MAGI2: variants seen among roughly 807,000 people sequenced by gnomAD.
MAGI2 encodes the protein membrane-associated guanylate kinase, WW and PDZ domain-containing protein 2.
In MAGI2, 35 loss-of-function variants were observed where a neutral mutation model predicts 133.3. The ratio of observed to expected loss-of-function variants is 0.26; its 90% CI spans 0.20 to 0.35. MAGI2 has a LOEUF of 0.35. MAGI2 is among the 10% of genes least tolerant of loss of function. The probability of loss-of-function intolerance (pLI) is 1.00; values close to 1 mark genes in which losing one functional copy is unlikely to be tolerated. For synonymous variants in MAGI2, 729 were observed against 710.6 expected (o/e 1.03, Z -0.41); for missense variants, 1,636 against 1,863.4 (o/e 0.88, Z 2.25).
At chr7:78,585,531 A>C in intron 3 of MAGI2, among the ~76,000 whole-genome samples, 1 of 152,148 alleles carries the variant, frequency 6.6e-6, no homozygotes, top group East Asian at 1.9e-4. Flanking sequence ...TGTGGCACCT[A>C]GTGAAAGAAG....
intron 2 of MAGI2, among the ~76,000 whole-genome samples, chr7:78,939,020 G>A (rs754101604): frequency 3.3e-5 from 5 of 152,096 alleles, no homozygotes; most frequent in African/African-American, 4.8e-5. Flanking sequence ...TTGAGACAAA[G>A]TCTCACTCTG....
In MAGI2 at chr7:78,394,638, G is replaced by A. The variant is rs531979173; in HGVS notation, c.1046-25425C>T. Among the ~76,000 whole-genome samples, 3 of 152,280 alleles carry A rather than the reference G, an allele frequency of 2.0e-5. No individual in the cohort carries two copies. The East Asian group carries it at 5.8e-4, about 29-fold the overall frequency. ...CACCATTCTTAGCAAAATAGCCACT[G>A]CTACATTTTTATAAGTCTTGGTTCA... On this transcript the variant is annotated intron_variant, in intron 6 of 21. Coordinates refer to ENST00000354212, the MANE Select transcript of MAGI2 (RefSeq NM_012301.4).
chr7:78,044,994 C>G (rs1263455745), intron 21 of MAGI2, among the ~76,000 whole-genome samples: 1 of 152,070 alleles, frequency 6.6e-6, no homozygotes, highest in Non-Finnish European at 1.5e-5. Flanking sequence ...CGGTGAAACC[C>G]CGTCTCTACT....
At chr7:79,279,176 T>C (rs1040579062) in intron 1 of MAGI2, among the ~76,000 whole-genome samples, 107 of 152,298 alleles carry the variant, frequency 7.0e-4, no homozygotes, top group African/African-American at 2.4e-3. Flanking sequence ...TCTGAGTTTT[T>C]ACAGGCTTCT....
intron 1 of MAGI2, among the ~76,000 whole-genome samples, chr7:79,079,600 C>G (rs1467371752): frequency 3.3e-5 from 5 of 151,680 alleles, no homozygotes; most frequent in Admixed American, 3.3e-4. Context: ...CTATTTTTTT[C>G]AAAAAGGAAA....
chr7:78,363,509 AT>A (rs1016907570), intron 7 of MAGI2, among the ~76,000 whole-genome samples: 13 of 103,872 alleles, frequency 1.3e-4, no homozygotes, highest in African/African-American at 4.5e-4. Flanking sequence ...AATAATAATA[AT>A]GATAATAATA....
chr7:78,638,200 T>C (rs73378280), intron 2 of MAGI2, among the ~76,000 whole-genome samples: 2,636 of 152,262 alleles, frequency 0.017, 90 homozygotes, highest in African/African-American at 0.06. Context: ...GTATATGCAA[T>C]ATATTTTCAA....
chr7:78,199,805 T>C (rs1055585983), intron 11 of MAGI2, among the ~76,000 whole-genome samples: 2 of 152,234 alleles, frequency 1.3e-5, no homozygotes, highest in Non-Finnish European at 2.9e-5. Context: ...TTACTGACTA[T>C]GCATGTAATT....
At chr7:78,757,930 A>G (rs1824119450) in intron 2 of MAGI2, among the ~76,000 whole-genome samples, 1 of 152,192 alleles carries the variant, frequency 6.6e-6, no homozygotes, top group Non-Finnish European at 1.5e-5. Flanking sequence ...CGATACACCC[A>G]GCTGCCTACT....
chr7:78,046,553 T>C (rs1420130778), intron 21 of MAGI2, among the ~76,000 whole-genome samples: 1 of 152,160 alleles, frequency 6.6e-6, no homozygotes, highest in Non-Finnish European at 1.5e-5. Context: ...GGAATAGAAT[T>C]CACTAACAGA....
At chr7:78,710,399 T>G (rs1313792428) in intron 2 of MAGI2, among the ~76,000 whole-genome samples, 1 of 152,134 alleles carries the variant, frequency 6.6e-6, no homozygotes, top group African/African-American at 2.4e-5. Flanking sequence ...GGAGAGGGTG[T>G]AGGTAATGGA....
chr7:78,925,551 G>C (rs529769209), intron 2 of MAGI2, among the ~76,000 whole-genome samples: 6 of 152,044 alleles, frequency 3.9e-5, no homozygotes, highest in Non-Finnish European at 8.8e-5. Flanking sequence ...AAAACCATAT[G>C]CATGCTAAGA....
chr7:78,885,977 G>A (rs1796230815), intron 2 of MAGI2, among the ~76,000 whole-genome samples: 2 of 152,094 alleles, frequency 1.3e-5, no homozygotes, highest in African/African-American at 4.8e-5. Context: ...CTCTTTAAGG[G>A]TAACAAACCA....
intron 3 of MAGI2, among the ~76,000 whole-genome samples, chr7:78,572,517 G>A (rs979630062): frequency 6.6e-6 from 1 of 152,096 alleles, no homozygotes; most frequent in African/African-American, 2.4e-5. Context: ...TCTGTTGAAA[G>A]TAGTATATTC....
At chr7:78,701,187 A>G (rs1244553013) in intron 2 of MAGI2, among the ~76,000 whole-genome samples, 1 of 151,750 alleles carries the variant, frequency 6.6e-6, no homozygotes, top group African/African-American at 2.4e-5. Flanking sequence ...GGTTAAATCT[A>G]TTTTCACCTA....
chr7:79,378,926 G>GTATATATATATATATA (rs59388508), intron 1 of MAGI2, among the ~76,000 whole-genome samples: 6 of 94,596 alleles, frequency 6.3e-5, no homozygotes, highest in African/African-American at 7.2e-5. Context: ...ATGTGTGTGT[G>GTATATATATATATATA]TATATATATA....
At chr7:78,388,128 T>C (rs1795569248) in intron 6 of MAGI2, among the ~76,000 whole-genome samples, 2 of 152,106 alleles carry the variant, frequency 1.3e-5, no homozygotes, top group African/African-American at 2.4e-5. Flanking sequence ...GATCTGAGTG[T>C]TGGGTTTTCT....
chr7:78,687,969 TAAAAAAAAAAAAAAAAAAAAA>T (rs72030909), intron 2 of MAGI2, among the ~76,000 whole-genome samples: 1 of 67,226 alleles, frequency 1.5e-5, no homozygotes, highest in African/African-American at 5.2e-5. Context: ...GTCCTTGCCT[TAAAAAAAAAAAAAAAAAAAAA>T]AAAAAAAAAA....
At chr7:79,070,250 C>T (rs959609443) in intron 1 of MAGI2, among the ~76,000 whole-genome samples, 3 of 151,962 alleles carry the variant, frequency 2.0e-5, no homozygotes, top group Non-Finnish European at 4.4e-5. Flanking sequence ...ATCAATCAAA[C>T]GTACATTTTG....
Sources: allele counts gnomAD v4.1 joint callset (sites outside exome capture counted in the v4.1 genomes callset), GRCh38; gene constraint gnomAD v4.1.1; transcripts MANE v1.5; gene names NCBI Gene and HGNC (gene_info 2026-07-23, HGNC 2026-07-21).